The following PTPN11 variants were observed in gnomAD, a reference collection of about 807,000 sequenced individuals.
PTPN11 encodes the protein tyrosine-protein phosphatase non-receptor type 11.
PTPN11 carries 6 observed loss-of-function variants against 78.8 expected under a neutral mutation model. The ratio of observed to expected loss-of-function variants is 0.08; its 90% CI spans 0.04 to 0.15. The LOEUF (loss-of-function observed/expected upper bound fraction) is 0.15, where lower values mean the gene tolerates loss of function less well. Ranked by LOEUF, PTPN11 falls within the 10% of genes least tolerant of loss-of-function variation. The pLI, the probability that PTPN11 is intolerant of heterozygous loss-of-function variation, is 1.00. For synonymous variants in PTPN11, 221 were observed against 263.5 expected (o/e 0.84, Z 1.56); for missense variants, 386 against 744.8 (o/e 0.52, Z 5.61).
chr12:112,501,031 AG>A (rs1341342691), intron 13 of PTPN11, among the ~76,000 whole-genome samples: 1 of 152,162 alleles, frequency 6.6e-6, no homozygotes, highest in African/African-American at 2.4e-5. Flanking sequence ...CAGCCTCCCG[AG>A]TAGCTGGGAC....
At chr12:112,502,061 T>G in intron 13 of PTPN11, 83 bp from the exon 14 acceptor site, 1 of 1,140,422 alleles carries the variant, frequency 8.8e-7, no homozygotes, top group Non-Finnish European at 1.3e-6. Context: ...TCTTTTTTCT[T>G]TTTTTGGGCA....
At chr12:112,494,841 G>C (rs1731122631) in intron 13 of PTPN11, among the ~76,000 whole-genome samples, 1 of 152,084 alleles carries the variant, frequency 6.6e-6, no homozygotes, top group African/African-American at 2.4e-5. Context: ...GATGGTTTGA[G>C]AGCAATACAT....
At chr12:112,474,802 TA>T (rs758767667) in intron 7 of PTPN11, among the ~76,000 whole-genome samples, 3 of 151,976 alleles carry the variant, frequency 2.0e-5, no homozygotes, top group Non-Finnish European at 4.4e-5. Context: ...TTTTTGTAAT[TA>T]TTTTTTTTGT....
intron 6 of PTPN11, among the ~76,000 whole-genome samples, chr12:112,468,593 T>G (rs1489409043): frequency 6.6e-6 from 1 of 152,198 alleles, no homozygotes; most frequent in African/African-American, 2.4e-5. Flanking sequence ...TGCTGTTAGC[T>G]ATTATCAATC....
intron 1 of PTPN11, among the ~76,000 whole-genome samples, chr12:112,431,710 T>C (rs2037715669): frequency 6.6e-6 from 1 of 152,198 alleles, no homozygotes; most frequent in Non-Finnish European, 1.5e-5. Context: ...AACGTTTTCT[T>C]CTGGATAACA....
chr12:112,462,044 C>T (rs1019635976), intron 6 of PTPN11, among the ~76,000 whole-genome samples: 2 of 152,094 alleles, frequency 1.3e-5, no homozygotes, highest in African/African-American at 4.8e-5. Flanking sequence ...CAAAAAAATC[C>T]TTCAGAGATG....
Position 112,478,061 on chromosome 12 carries a change from C to G in PTPN11, c.1092+46C>G, listed in dbSNP as rs766112484. The G allele has an allele frequency of 1.8e-5, 28 of 1,598,648 alleles. No individual in the cohort carries two copies. In the South Asian group the frequency reaches 2.4e-4, roughly 14 times the overall value. On this transcript the variant is annotated intron_variant, in intron 9 of 15. Coordinates refer to ENST00000351677, the MANE Select transcript of PTPN11 (RefSeq NM_002834.5). ...TTCTGCTAAACTGTTTTTAAAGTATCAGACATGTCAGATTGGCCATGTTTA... is the reference window on the plus strand; with the variant it reads ...TTCTGCTAAACTGTTTTTAAAGTATGAGACATGTCAGATTGGCCATGTTTA...
At chr12:112,488,617 T>C (rs892773851) in intron 12 of PTPN11, 107 bp downstream of exon 12, 8 of 1,183,088 alleles carry the variant, frequency 6.8e-6, no homozygotes, top group African/African-American at 1.5e-5. Context: ...GAAAATTCTT[T>C]CACAAAAATC....
intron 6 of PTPN11, among the ~76,000 whole-genome samples, chr12:112,467,485 C>T (rs535712334): frequency 3.9e-5 from 6 of 152,044 alleles, no homozygotes; most frequent in Non-Finnish European, 2.9e-5. Flanking sequence ...GTGGGAGCCA[C>T]GCTCTTTTTT....
intron 9 of PTPN11, 40 bp downstream of exon 9, chr12:112,478,055 A>G (rs773314590): frequency 1.9e-6 from 3 of 1,608,680 alleles, no homozygotes; most frequent in Non-Finnish European, 2.6e-6. Context: ...ACTGTTTTTA[A>G]AGTATCAGAC....
intron 5 of PTPN11, 137 bp downstream of exon 5, chr12:112,454,817 T>TA: frequency 1.9e-5 from 12 of 616,872 alleles, no homozygotes; most frequent in East Asian, 6.5e-5. Flanking sequence ...AACTATCAAA[T>TA]CTTTTTTTTT....
intron 13 of PTPN11, among the ~76,000 whole-genome samples, chr12:112,494,100 A>G (rs1051045281): frequency 3.9e-5 from 6 of 152,160 alleles, no homozygotes; most frequent in Non-Finnish European, 7.4e-5. Flanking sequence ...CAAAAATATA[A>G]AAAATTAGCT....
intron 1 of PTPN11, among the ~76,000 whole-genome samples, chr12:112,426,259 CTTTTT>C (rs1013214576): frequency 1.3e-5 from 2 of 150,116 alleles, no homozygotes; most frequent in Non-Finnish European, 3.0e-5. Flanking sequence ...TTTGTAAACT[CTTTTT>C]TTTTTCTTTG....
At chr12:112,477,174 G>C (rs1016997745) in intron 7 of PTPN11, among the ~76,000 whole-genome samples, 2 of 152,034 alleles carry the variant, frequency 1.3e-5, no homozygotes, top group African/African-American at 4.8e-5. Context: ...GGACCAACAT[G>C]CCTGGCTAAT....
At chr12:112,487,602 T>C in intron 11 of PTPN11, among the ~76,000 whole-genome samples, 1 of 152,198 alleles carries the variant, frequency 6.6e-6, no homozygotes, top group African/African-American at 2.4e-5. Context: ...ATGATTATAC[T>C]GGGGAATATT....
intron 10 of PTPN11, 117 bp from the exon 11 acceptor site, chr12:112,486,350 CCTTTCAGT>C (rs1262535684): frequency 5.0e-6 from 5 of 1,008,334 alleles, no homozygotes. Context: ...ACGAAGAGGA[CCTTTCAGT>C]GGAACCTGGG....
At chr12:112,451,581 A>T (rs1306569640) in intron 3 of PTPN11, among the ~76,000 whole-genome samples, 1 of 152,196 alleles carries the variant, frequency 6.6e-6, no homozygotes, top group Non-Finnish European at 1.5e-5. Flanking sequence ...CCTGGGCCTC[A>T]TTCAGACTTA....
At position 112,419,932 on chromosome 12, in the gene PTPN11, ATACTAC is replaced by A. The variant is rs2037495701; in HGVS notation, c.14+813_14+818del. The stretch of plus-strand genomic sequence containing the variant: ...TGAGATCCTTTGAAAGGTCAGGGTA[ATACTAC>A]TACTAATAGCTAACATTTGCTTAGT... On this transcript the variant is annotated intron_variant, in intron 1 of 15. Coordinates refer to ENST00000351677, the MANE Select transcript of PTPN11 (RefSeq NM_002834.5). Among the ~76,000 whole-genome samples, 3 of 152,316 alleles carry A rather than the reference ATACTAC, an allele frequency of 2.0e-5. No individual in the cohort carries two copies. In the South Asian group the frequency reaches 6.2e-4, roughly 32 times the overall value.
At chr12:112,421,454 A>G (rs2037520876) in intron 1 of PTPN11, among the ~76,000 whole-genome samples, 1 of 152,042 alleles carries the variant, frequency 6.6e-6, no homozygotes, top group Non-Finnish European at 1.5e-5. Context: ...ATTAGTTTGC[A>G]TTTCCTAGAA....
Sources: allele counts gnomAD v4.1 joint callset (sites outside exome capture counted in the v4.1 genomes callset), GRCh38; gene constraint gnomAD v4.1.1; transcripts MANE v1.5; gene names NCBI Gene and HGNC (gene_info 2026-07-23, HGNC 2026-07-21).